LRIF1: variants seen among roughly 807,000 people sequenced by gnomAD.
LRIF1 encodes the protein ligand-dependent nuclear receptor-interacting factor 1.
LRIF1 carries 32 observed loss-of-function variants against 52.7 expected under a neutral mutation model. That is an observed-to-expected ratio of 0.61 (90% CI 0.46 to 0.82). The LOEUF is 0.82. Among genes scored for constraint, LRIF1 ranks in the 40% least tolerant of loss-of-function variants. The pLI is 0.00. For missense variants in LRIF1, 887 were observed against 892.0 expected (o/e 0.99, Z 0.07); for synonymous variants, 323 against 317.4 (o/e 1.02, Z -0.19).
chr1:110,898,380 A>G, the LRIF1 span, among the ~76,000 whole-genome samples: 6 of 17,502 alleles, frequency 3.4e-4, no homozygotes, highest in Non-Finnish European at 1.8e-3. Flanking sequence ...CTGTCTCCAG[A>G]AAAAAAAAAA....
intron 2 of LRIF1, 40 bp downstream of exon 2, chr1:110,951,248 A>G (rs758542680): frequency 3.3e-6 from 5 of 1,498,810 alleles, no homozygotes; most frequent in Admixed American, 2.1e-5. Context: ...ACTTTTCTAT[A>G]TAGATATATA....
chr1:110,963,470 C>T (rs1000916762), intron 1 of LRIF1, 151 bp downstream of exon 1: 7 of 564,574 alleles, frequency 1.2e-5, no homozygotes, highest in Middle Eastern at 1.1e-3. Context: ...GGGCTTTAAG[C>T]GCCGCGGAGA....
At chr1:110,930,509 C>A in the LRIF1 span, among the ~76,000 whole-genome samples, 5 of 152,180 alleles carry the variant, frequency 3.3e-5, no homozygotes, top group East Asian at 7.7e-4. Context: ...AGGCATGGAG[C>A]GGTGGGGAAT....
chr1:110,886,020 C>T, the LRIF1 span, among the ~76,000 whole-genome samples: 1 of 152,204 alleles, frequency 6.6e-6, no homozygotes, highest in Non-Finnish European at 1.5e-5. Context: ...TAGAGGATTG[C>T]TTTTAACATT....
chr1:110,923,875 A>C, the LRIF1 span, among the ~76,000 whole-genome samples: 3 of 152,172 alleles, frequency 2.0e-5, no homozygotes, highest in Non-Finnish European at 2.9e-5. Context: ...AGAACAAAAT[A>C]AACATTAACA....
the LRIF1 span, among the ~76,000 whole-genome samples, chr1:110,895,469 C>T: frequency 6.6e-6 from 1 of 152,172 alleles, no homozygotes; most frequent in Non-Finnish European, 1.5e-5. Context: ...GCTGTTTCCA[C>T]CCACAAACGT....
intron 1 of LRIF1, among the ~76,000 whole-genome samples, chr1:110,961,086 A>G (rs1344666501): frequency 2.0e-5 from 3 of 152,228 alleles, no homozygotes; most frequent in African/African-American, 7.2e-5. Flanking sequence ...TTCTCTGCAT[A>G]AGCATATCCT....
chr1:110,887,221 G>A, the LRIF1 span, among the ~76,000 whole-genome samples: 13 of 151,868 alleles, frequency 8.6e-5, no homozygotes, highest in Admixed American at 5.9e-4. Context: ...CCACCACCAC[G>A]CCTGGCTAAT....
chr1:110,949,908 T>C lies in LRIF1; in HGVS notation c.1812A>G (p.Val604=). 1 of 1,614,172 alleles carries C rather than the reference T, an allele frequency of 6.2e-7. No homozygotes were observed. The highest frequency in any genetic ancestry group is 1.3e-5 in the African/African-American group (1 of 75,054). Residue 604 remains valine (V), a synonymous_variant, in exon 3 of 4, where the codon GTA becomes GTG. Coordinates refer to ENST00000369763, the MANE Select transcript of LRIF1 (RefSeq NM_018372.4). ...GEGFDSFSSL[V]KSGTYKETEF... ...CTGTCTCTTTGTAAGTACCACTCTTTACCAAACTGCTAAAGGAATCGAAAC... is the reference window on the plus strand; with the variant it reads ...CTGTCTCTTTGTAAGTACCACTCTTCACCAAACTGCTAAAGGAATCGAAAC...
the LRIF1 span, among the ~76,000 whole-genome samples, chr1:110,877,389 C>A: frequency 0.011 from 1,695 of 152,292 alleles, 12 homozygotes; most frequent in Middle Eastern, 0.037. Flanking sequence ...AGCCGAGGGA[C>A]CCCGTATGTA....
the LRIF1 span, among the ~76,000 whole-genome samples, chr1:110,924,650 T>G: frequency 4.0e-3 from 607 of 152,332 alleles, 2 homozygotes; most frequent in Middle Eastern, 0.014. Flanking sequence ...CTTTGACATG[T>G]GACAATTATG....
At chr1:110,932,624 G>A in the LRIF1 span, among the ~76,000 whole-genome samples, 1 of 152,102 alleles carries the variant, frequency 6.6e-6, no homozygotes, top group African/African-American at 2.4e-5. Flanking sequence ...AGCATGTAAT[G>A]TTTTATTATT....
At chr1:110,927,734 C>A in the LRIF1 span, among the ~76,000 whole-genome samples, 1 of 152,114 alleles carries the variant, frequency 6.6e-6, no homozygotes, top group Non-Finnish European at 1.5e-5. Flanking sequence ...TCTCTTGCAG[C>A]CCACCCTAAC....
At chr1:110,905,005 A>G in the LRIF1 span, among the ~76,000 whole-genome samples, 1 of 152,222 alleles carries the variant, frequency 6.6e-6, no homozygotes, top group Non-Finnish European at 1.5e-5. Context: ...AGAATGCTTC[A>G]GAATCTTTTA....
downstream of LRIF1, chr1:110,944,299 G>A (rs1182783780): frequency 6.6e-6 from 1 of 152,244 alleles, no homozygotes; most frequent in Non-Finnish European, 1.5e-5. Context: ...CAGCTGAAAT[G>A]AGAAAACCTG....
Position 110,947,845 on chromosome 1 carries a change from G to T in LRIF1, c.*114C>A. On this transcript the variant is annotated 3_prime_UTR_variant, in exon 4 of 4. Coordinates refer to ENST00000369763, the MANE Select transcript of LRIF1 (RefSeq NM_018372.4). ...CCTTAAAGTTGTACAATCGACTGAT[G>T]AAAAAACAAGCTTCATATTCAAAGA... The T allele has an allele frequency of 2.1e-6, 3 of 1,401,030 alleles. No homozygotes were observed. The highest frequency in any genetic ancestry group is 2.8e-6 in the Non-Finnish European group (3 of 1,056,800). The allele number at this position is 1,401,030 out of a possible 1,614,324, so 86.8% of individuals were successfully genotyped here. A position where few individuals can be genotyped will look rare whatever the true frequency, so the allele number is the denominator to read the frequency against.
At chr1:110,908,708 G>A in the LRIF1 span, among the ~76,000 whole-genome samples, 1 of 152,048 alleles carries the variant, frequency 6.6e-6, no homozygotes, top group Non-Finnish European at 1.5e-5. Context: ...ATAATTTTAA[G>A]AAAATGAACA....
chr1:110,956,115 A>AGC (rs1658688729), intron 1 of LRIF1, among the ~76,000 whole-genome samples: 1 of 152,222 alleles, frequency 6.6e-6, no homozygotes, highest in African/African-American at 2.4e-5. Flanking sequence ...GCTAAAAGTA[A>AGC]GAGCAAAAAT....
intron 2 of LRIF1, among the ~76,000 whole-genome samples, chr1:110,950,654 C>T (rs1414268505): frequency 6.6e-6 from 1 of 151,694 alleles, no homozygotes; most frequent in Non-Finnish European, 1.5e-5. Flanking sequence ...ATAAAGGTAA[C>T]TATGTGGGCA....
Sources: gnomAD v4.1 joint callset for allele counts (sites outside exome capture counted in the v4.1 genomes callset) on GRCh38, gnomAD v4.1.1 for gene constraint, MANE v1.5 for transcripts, NCBI Gene and HGNC (gene_info 2026-07-23, HGNC 2026-07-21) for gene names.